The following PTP4A1 variants were observed in gnomAD, a reference collection of about 807,000 sequenced individuals.
The protein encoded by PTP4A1 is protein tyrosine phosphatase 4A1, also known as protein tyrosine phosphatase type IVA 1.
In PTP4A1, 9 loss-of-function variants were observed where a neutral mutation model predicts 20.5. The observed-to-expected ratio is 0.44, with a 90% CI of 0.26 to 0.77. The LOEUF (loss-of-function observed/expected upper bound fraction) is 0.77, where lower values mean the gene tolerates loss of function less well. Among genes scored for constraint, PTP4A1 ranks in the 30% least tolerant of loss-of-function variants. The pLI, the probability that PTP4A1 is intolerant of heterozygous loss-of-function variation, is 0.19. For synonymous variants in PTP4A1, 78 were observed against 67.4 expected (o/e 1.16, Z -0.77); for missense variants, 137 against 218.8 (o/e 0.63, Z 2.36).
intron 1 of PTP4A1, 47 bp downstream of exon 1, chr6:63,572,766 C>G: frequency 2.5e-6 from 1 of 398,290 alleles, no homozygotes. Flanking sequence ...AATCCACGAC[C>G]GGCCCCCCAT....
rs1258211789 is a variant in PTP4A1, at chr6:63,580,182, G to A, written c.*8G>A. On this transcript the variant is annotated 3_prime_UTR_variant, in exon 6 of 6. Transcript: ENST00000626021. The stretch of plus-strand genomic sequence containing the variant: ...AACTGTTGCATTCAATAAAATTGGG[G>A]TGCCTAATGCTACTGGAAGTGGAAC... The A allele has an allele frequency of 1.3e-6, 2 of 1,586,176 alleles. No homozygotes were observed. The highest frequency in any genetic ancestry group is 1.3e-5 in the African/African-American group (1 of 74,200).
chr6:63,556,118 C>T (rs1776676049), intron 3 of PTP4A1, among the ~76,000 whole-genome samples: 1 of 152,182 alleles, frequency 6.6e-6, no homozygotes, highest in Non-Finnish European at 1.5e-5. Context: ...ATCTAAGAAT[C>T]TAATCACCCT....
chr6:63,540,536 G>C (rs71534831), intron 2 of PTP4A1, among the ~76,000 whole-genome samples: 38,744 of 151,834 alleles, frequency 0.26, 5,835 homozygotes, highest in Admixed American at 0.34. Flanking sequence ...CATGAGAATC[G>C]CTTGAACCCA....
At chr6:63,554,289 T>C (rs1298240978) in intron 3 of PTP4A1, among the ~76,000 whole-genome samples, 2 of 152,242 alleles carry the variant, frequency 1.3e-5, no homozygotes, top group Non-Finnish European at 2.9e-5. Context: ...TCAAAGTATA[T>C]GAAAAGCATT....
At chr6:63,567,500 A>G (rs1037507843), upstream of PTP4A1, among the ~76,000 whole-genome samples, 4 of 152,250 alleles carry the variant, frequency 2.6e-5, no homozygotes, top group African/African-American at 7.2e-5. Context: ...AGGTCTCAAC[A>G]GTGGACTTAA....
chr6:63,578,376 A>C, intron 2 of PTP4A1, 61 bp from the exon 3 acceptor site: 1 of 1,526,992 alleles, frequency 6.5e-7, no homozygotes, highest in Non-Finnish European at 8.8e-7. Flanking sequence ...CAGAATATAA[A>C]ATGTTGAGTT....
At chr6:63,552,664 T>C (rs1006377028) in intron 3 of PTP4A1, among the ~76,000 whole-genome samples, 3 of 152,226 alleles carry the variant, frequency 2.0e-5, no homozygotes, top group Non-Finnish European at 2.9e-5. Context: ...TTTTATGGTT[T>C]TAGTTCTAAC....
At chr6:63,575,151 A>T (rs1777771787) in intron 1 of PTP4A1, among the ~76,000 whole-genome samples, 1 of 152,234 alleles carries the variant, frequency 6.6e-6, no homozygotes, top group Admixed American at 6.5e-5. Flanking sequence ...TTAAAGGTGT[A>T]AAATGGAAAT....
At chr6:63,568,679 G>T (rs1777289218), upstream of PTP4A1, among the ~76,000 whole-genome samples, 1 of 151,228 alleles carries the variant, frequency 6.6e-6, no homozygotes, top group South Asian at 2.1e-4. Flanking sequence ...AACAATATTT[G>T]CAAAGCACAA....
At chr6:63,554,147 A>G (rs1263280653) in intron 3 of PTP4A1, among the ~76,000 whole-genome samples, 3 of 152,246 alleles carry the variant, frequency 2.0e-5, no homozygotes, top group Admixed American at 2.0e-4. Flanking sequence ...TCTCAGAGGC[A>G]ATAAAAAGAC....
chr6:63,521,079 G>A (rs1431071324), upstream of PTP4A1, among the ~76,000 whole-genome samples: 13 of 152,006 alleles, frequency 8.6e-5, no homozygotes, highest in Admixed American at 8.5e-4. Flanking sequence ...ACTGGGGCCT[G>A]TCACGGGGTG....
intron 3 of PTP4A1, among the ~76,000 whole-genome samples, chr6:63,563,411 C>T (rs984657385): frequency 2.0e-5 from 3 of 152,092 alleles, no homozygotes; most frequent in African/African-American, 7.2e-5. Context: ...GTCATTTCCT[C>T]CACCAAAAAT....
intron 2 of PTP4A1, among the ~76,000 whole-genome samples, chr6:63,539,441 T>C (rs1775860156): frequency 6.6e-6 from 1 of 152,148 alleles, no homozygotes; most frequent in African/African-American, 2.4e-5. Flanking sequence ...CATTATTCTT[T>C]ATGGTTTGCA....
At chr6:63,535,943 C>G (rs1775703663) in intron 2 of PTP4A1, among the ~76,000 whole-genome samples, 1 of 151,662 alleles carries the variant, frequency 6.6e-6, no homozygotes, top group Non-Finnish European at 1.5e-5. Context: ...CAGCTAATTT[C>G]TGTATTTTTT....
intron 1 of PTP4A1, among the ~76,000 whole-genome samples, chr6:63,574,274 A>G (rs755150519): frequency 2.0e-4 from 31 of 152,248 alleles, no homozygotes; most frequent in Non-Finnish European, 4.0e-4. Flanking sequence ...ACTCTGCAGT[A>G]TAATAATGAT....
rs566534055 is a variant in PTP4A1, at chr6:63,549,002, G to A, written c.-639-1298G>A. On this transcript the variant is annotated intron_variant, in intron 2 of 3. Transcript: ENST00000639568. ...GCATTTTATGACACAGGGCAGGCAAGAAGACAACCAGCTCGATGGGATCCA... is the reference window on the plus strand; with the variant it reads ...GCATTTTATGACACAGGGCAGGCAAAAAGACAACCAGCTCGATGGGATCCA... 896 of 730,346 alleles carry A rather than the reference G, an allele frequency of 1.2e-3. 1 individual carries two copies. Among genetic ancestry groups the A allele is most frequent in the Non-Finnish European group, 1.7e-3 (669 of 399,714 alleles). 45.2% of individuals were successfully genotyped at this position (730,346 alleles called of 1,614,324 possible).
At position 63,578,523 on chromosome 6, in the gene PTP4A1, T is replaced by A; in HGVS notation, c.192T>A (p.His64Gln). ...DTTLVEKEGI[H>Q]VLDWPFDDGA... The stretch of plus-strand genomic sequence containing the variant: ...CTCTTGTGGAGAAAGAAGGTATCCA[T>A]GTTCTTGTAAGTATTTAACAGTTCT... Residue 64 changes from histidine to glutamine, a missense_variant, in exon 3 of 6, where the codon CAT becomes CAA. Coordinates refer to ENST00000626021, the MANE Select transcript of PTP4A1 (RefSeq NM_003463.5). 1 of 1,611,372 alleles carries A rather than the reference T, an allele frequency of 6.2e-7. No homozygotes were observed. Among genetic ancestry groups the A allele is most frequent in the South Asian group, 1.1e-5 (1 of 90,666 alleles).
rs1356106189 is a variant in PTP4A1 at position 63,580,069 on chromosome 6, A to C, written c.417A>C (p.Gly139=). The change falls in exon 6 of 6, where the codon GGA becomes GGC. Residue 139 remains glycine (G), a synonymous_variant. Transcript: ENST00000626021. ...AVQFIRQKRR[G]AFNSKQLLYL... ...TTTTTCCTCCCAGAAAGCGGCGTGG[A>C]GCTTTTAACAGCAAGCAACTTCTGT... 2 of 1,603,674 alleles carry C rather than the reference A, an allele frequency of 1.2e-6. No homozygotes were observed. Among genetic ancestry groups the C allele is most frequent in the East Asian group, 2.2e-5 (1 of 44,734 alleles).
intron 3 of PTP4A1, among the ~76,000 whole-genome samples, chr6:63,558,165 C>T (rs763719507): frequency 1.4e-4 from 22 of 152,010 alleles, no homozygotes; most frequent in Non-Finnish European, 1.8e-4. Flanking sequence ...CCACCGTGCC[C>T]GGCCACATAT....
Sources: allele counts gnomAD v4.1 joint callset (sites outside exome capture counted in the v4.1 genomes callset), GRCh38; gene constraint gnomAD v4.1.1; transcripts MANE v1.5; gene names NCBI Gene and HGNC (gene_info 2026-07-23, HGNC 2026-07-21).